FAM111B: variants seen among roughly 807,000 people sequenced by gnomAD.
FAM111B encodes FAM111 trypsin like peptidase B.
In FAM111B, 1 loss-of-function variant was observed where a neutral mutation model predicts 2.8. The observed-to-expected ratio is 0.36, with a 90% CI of 0.13 to 1.70. The LOEUF (loss-of-function observed/expected upper bound fraction) is 1.70. Ranked by LOEUF, FAM111B falls within the 40% of genes most tolerant of loss-of-function variation. The probability of loss-of-function intolerance (pLI) is 0.35; values close to 1 mark genes in which losing one functional copy is unlikely to be tolerated. For synonymous variants in FAM111B, 297 were observed against 295.6 expected, an observed-to-expected ratio of 1.00 and a Z score of -0.05; for missense variants, 882 against 878.9, an observed-to-expected ratio of 1.00 and a Z score of -0.04.
In FAM111B at chr11:59,126,736, A is replaced by C. The variant is rs1359671547; in HGVS notation, c.*434A>C. Reference sequence around the variant, plus strand: ...GAATGGCTGTTATTAAAATGCCAAAAAATTACAGATGCTGGCGAGGTTGCA... The same window carrying C: ...GAATGGCTGTTATTAAAATGCCAAACAATTACAGATGCTGGCGAGGTTGCA... On this transcript the variant is annotated 3_prime_UTR_variant, in exon 4 of 4. Transcript: ENST00000343597. 3 of 159,494 alleles carry C rather than the reference A, an allele frequency of 1.9e-5. No individual in the cohort carries two copies. Among genetic ancestry groups the C allele is most frequent in the African/African-American group, 7.2e-5 (3 of 41,504 alleles). The allele number at this position is 159,494 out of a possible 1,614,324, so 9.9% of individuals were successfully genotyped here.
intron 1 of FAM111B, among the ~76,000 whole-genome samples, chr11:59,108,161 T>C (rs751646095): frequency 1.3e-4 from 20 of 152,230 alleles, no homozygotes; most frequent in Middle Eastern, 3.4e-3. Flanking sequence ...TTAAAAAGCT[T>C]AGAGGAACCA....
At position 59,124,937 on chromosome 11, in the gene FAM111B, TA is replaced by T. The variant is rs766832243; in HGVS notation, c.847del (p.Ile283LeufsTer16). 1 of 1,604,568 alleles carries T rather than the reference TA, an allele frequency of 6.2e-7. No homozygotes were observed. Among genetic ancestry groups the T allele is most frequent in the South Asian group, 1.1e-5 (1 of 88,448 alleles). ...KKALQQKDIH[K>X]KIKQNESATD... ...AAGCATTACAACAGAAAGATATCCA[TA>T]AAAAAATTAAACAGAATGAAAGTGC... On this transcript the variant is annotated frameshift_variant, in exon 4 of 4. Coordinates refer to ENST00000343597, the MANE Select transcript of FAM111B (RefSeq NM_198947.4). LOFTEE classifies it low-confidence loss of function (END_TRUNC).
Position 59,124,511 on chromosome 11 carries a change from T to C in FAM111B, c.414T>C (p.Asp138=), listed in dbSNP as rs143973452. 4.5e-4 allele frequency: 721 copies of C among 1,613,328 alleles called. 1 individual carries two copies. The African/African-American group carries it at 9.1e-3, about 20-fold the overall frequency. Reference sequence around the variant, plus strand: ...TTGTTTATGAAGAAAAGACAATAGATGGACATATAAATTTAGGAATGCCTC... The same window carrying C: ...TTGTTTATGAAGAAAAGACAATAGACGGACATATAAATTTAGGAATGCCTC... The part of the protein sequence containing the change: ...NIIVYEEKTI[D]GHINLGMPLK... The change falls in exon 4 of 4, where the codon GAT becomes GAC. Residue 138 remains aspartate, a synonymous_variant. Coordinates refer to ENST00000343597, the MANE Select transcript of FAM111B (RefSeq NM_198947.4).
At chr11:59,113,473 A>G (rs1253197310) in intron 3 of FAM111B, among the ~76,000 whole-genome samples, 1 of 152,208 alleles carries the variant, frequency 6.6e-6, no homozygotes, top group Non-Finnish European at 1.5e-5. Flanking sequence ...ACAAGGCACA[A>G]GTGACAGAGG....
At chr11:59,122,310 TTTTAAAA>T (rs1305173300) in intron 3 of FAM111B, among the ~76,000 whole-genome samples, 1 of 152,160 alleles carries the variant, frequency 6.6e-6, no homozygotes, top group African/African-American at 2.4e-5. Context: ...ACAATGATAA[TTTTAAAA>T]CAAATTCAGA....
chr11:59,108,308 T>C (rs566368567), intron 1 of FAM111B, among the ~76,000 whole-genome samples: 4 of 152,234 alleles, frequency 2.6e-5, no homozygotes, highest in Non-Finnish European at 4.4e-5. Context: ...GGTTCTTTCC[T>C]GGCCTTGGAA....
chr11:59,109,850 A>G (rs926206159), intron 3 of FAM111B, 144 bp downstream of exon 3: 6 of 451,566 alleles, frequency 1.3e-5, no homozygotes, highest in African/African-American at 1.2e-4. Context: ...GAGCTCATAC[A>G]CATAAGTGCT....
rs1304176787 is a variant in FAM111B at position 59,124,200 on chromosome 11, C to T, written c.103C>T (p.His35Tyr). 6.2e-7 allele frequency: 1 copy of T among 1,612,006 alleles called. No homozygotes were observed. The highest frequency in any genetic ancestry group is 1.3e-5 in the African/African-American group (1 of 74,886). Residue 35 changes from histidine to tyrosine, a missense_variant, in exon 4 of 4, where the codon CAT (histidine) becomes TAT (tyrosine). Physicochemically the swap from His to Tyr is moderately conservative, Grantham distance 83. Coordinates refer to ENST00000343597, the MANE Select transcript of FAM111B (RefSeq NM_198947.4). ...VSKDTVMKQT[H>Y]ADTPVDHCLS... ...TAAGGATACTGTCATGAAGCAGACA[C>T]ATGCTGACACACCTGTTGATCATTG...
Position 59,109,381 on chromosome 11 carries a change from T to A in FAM111B, c.-86-159T>A, listed in dbSNP as rs112068051. ...CTAGACTCTGCCTGTTTCTCCTTCC[T>A]AAGATATGCCTTGGAAACTCCATAC... On this transcript the variant is annotated intron_variant, in intron 2 of 3. Transcript: ENST00000343597. 8.0e-4 allele frequency among the ~76,000 whole-genome samples: 122 copies of A among 152,336 alleles called. 1 individual carries two copies. Among genetic ancestry groups the A allele is most frequent in the African/African-American group, 2.7e-3 (114 of 41,562 alleles).
intron 3 of FAM111B, among the ~76,000 whole-genome samples, chr11:59,116,825 A>G (rs1859847231): frequency 6.6e-6 from 1 of 152,226 alleles, no homozygotes; most frequent in African/African-American, 2.4e-5. Context: ...CTGATGCAGA[A>G]TGGTGGCAAG....
chr11:59,127,091 A>G lies in FAM111B; in HGVS notation c.*789A>G, dbSNP rs760629435. On this transcript the variant is annotated 3_prime_UTR_variant, in exon 4 of 4. Coordinates refer to ENST00000343597, the MANE Select transcript of FAM111B (RefSeq NM_198947.4). The stretch of plus-strand genomic sequence containing the variant: ...ACAAGATCATGTGCTTTGCAGCAAC[A>G]TGGATGGAACTGAAGGTCATTATCC... 1.3e-5 allele frequency: 2 copies of G among 152,216 alleles called. No individual in the cohort carries two copies. The highest frequency in any genetic ancestry group is 2.9e-5 in the Non-Finnish European group (2 of 68,044). The allele number at this position is 152,216 out of a possible 1,614,324, so 9.4% of individuals were successfully genotyped here.
chr11:59,115,633 A>G (rs1048812784), intron 3 of FAM111B, among the ~76,000 whole-genome samples: 3 of 152,226 alleles, frequency 2.0e-5, no homozygotes, highest in Admixed American at 6.5e-5. Context: ...CATGAAAAGC[A>G]TGATGTATGC....
Position 59,126,142 on chromosome 11 carries a change from A to G in FAM111B, c.2045A>G (p.Glu682Gly). ...QRGFNVHALI[E>G]FGYSMDSILC... is the part of the protein sequence containing the mutation. ...GGATTTAATGTGCATGCCCTTATTG[A>G]ATTTGGTTATTCTATGGATTCTATT... The change falls in exon 4 of 4, where the codon GAA (glutamate) becomes GGA (glycine). Residue 682 changes from glutamate (E) to glycine (G), a missense_variant. Transcript: ENST00000343597. 1 of 1,612,520 alleles carries G rather than the reference A, an allele frequency of 6.2e-7. No homozygotes were observed. The highest frequency in any genetic ancestry group is 8.5e-7 in the Non-Finnish European group (1 of 1,179,470).
chr11:59,123,684 G>A (rs1859958287), intron 3 of FAM111B, among the ~76,000 whole-genome samples: 1 of 152,156 alleles, frequency 6.6e-6, no homozygotes, highest in East Asian at 1.9e-4. Context: ...TTCAAAGTTT[G>A]CTTACTGCAC....
At chr11:59,112,786 A>G (rs889229358) in intron 3 of FAM111B, among the ~76,000 whole-genome samples, 12 of 152,188 alleles carry the variant, frequency 7.9e-5, no homozygotes, top group African/African-American at 2.9e-4. Flanking sequence ...TATCATCCAC[A>G]TATCTTTGGT....
In FAM111B at chr11:59,118,917, T is replaced by C. The variant is rs114838977; in HGVS notation, c.82-5262T>C. Among the ~76,000 whole-genome samples, 126 of 152,352 alleles carry C rather than the reference T, an allele frequency of 8.3e-4. 1 individual carries two copies. The highest frequency in any genetic ancestry group is 2.6e-3 in the African/African-American group (109 of 41,584). ...TGGTATTTACCTATTAGTTCTTGCA[T>C]TTATGTTTATATTGGTCTGTAGTTT... On this transcript the variant is annotated intron_variant, in intron 3 of 3. Transcript: ENST00000343597.
At chr11:59,123,263 T>G (rs1329564122) in intron 3 of FAM111B, among the ~76,000 whole-genome samples, 2 of 152,190 alleles carry the variant, frequency 1.3e-5, no homozygotes, top group Non-Finnish European at 1.5e-5. Context: ...CACTAGTAAG[T>G]GAATAAATGT....
At chr11:59,123,891 A>G (rs1466361584) in intron 3 of FAM111B, among the ~76,000 whole-genome samples, 6 of 152,198 alleles carry the variant, frequency 3.9e-5, no homozygotes, top group Non-Finnish European at 8.8e-5. Context: ...TACAAAGATG[A>G]TATTTCCCCC....
Position 59,113,759 on chromosome 11 carries a change from T to C in FAM111B, c.81+4053T>C, listed in dbSNP as rs78870427. 6.2e-3 allele frequency among the ~76,000 whole-genome samples: 948 copies of C among 152,320 alleles called. 10 individuals carry two copies. Among genetic ancestry groups the C allele is most frequent in the African/African-American group, 0.022 (901 of 41,576 alleles). The stretch of plus-strand genomic sequence containing the variant: ...CAAGATCATAAGTTATTGGGACTTA[T>C]GTATGCCAGATGCAACAGTCTGCCC... On this transcript the variant is annotated intron_variant, in intron 3 of 3. Transcript: ENST00000343597.
Sources: allele counts gnomAD v4.1 joint callset (sites outside exome capture counted in the v4.1 genomes callset), GRCh38; gene constraint gnomAD v4.1.1; transcripts MANE v1.5; gene names NCBI Gene and HGNC (gene_info 2026-07-23, HGNC 2026-07-21).